Variants in DLGAP2 observed in about 807,000 individuals in gnomAD.
DLGAP2 encodes the protein DLG associated protein 2.
DLGAP2 carries 26 observed loss-of-function variants against 100.3 expected under a neutral mutation model. The observed-to-expected ratio is 0.26, with a 90% CI of 0.19 to 0.36. DLGAP2 has a LOEUF of 0.36. DLGAP2 is among the 10% of genes least tolerant of loss of function. The probability of loss-of-function intolerance (pLI) is 1.00; values close to 1 mark genes in which losing one functional copy is unlikely to be tolerated. For synonymous variants in DLGAP2, 886 were observed against 630.1 expected, an observed-to-expected ratio of 1.41 and a Z score of -6.08; for missense variants, 1,858 against 1,453.2, an observed-to-expected ratio of 1.28 and a Z score of -4.53.
intron 1 of DLGAP2, among the ~76,000 whole-genome samples, chr8:876,906 C>G (rs910565973): frequency 7.2e-6 from 1 of 138,632 alleles, no homozygotes; most frequent in African/African-American, 2.9e-5. Flanking sequence ...ATGTTGGAAT[C>G]TACAGTTAAA....
chr8:1,447,901 T>C (rs1798026364), intron 3 of DLGAP2, among the ~76,000 whole-genome samples: 1 of 152,226 alleles, frequency 6.6e-6, no homozygotes. Flanking sequence ...TCTCTGATGG[T>C]AGTTTGTATT....
chr8:831,187 C>G (rs1198960868), intron 1 of DLGAP2, among the ~76,000 whole-genome samples: 1 of 150,486 alleles, frequency 6.6e-6, no homozygotes, highest in African/African-American at 2.5e-5. Flanking sequence ...CATGAGTCAC[C>G]ACGCCCGGTC....
intron 1 of DLGAP2, chr8:821,964 T>C (rs1318443567): frequency 5.1e-6 from 2 of 394,458 alleles, no homozygotes; most frequent in African/African-American, 2.1e-5. Flanking sequence ...CTTGCCATAT[T>C]GCTCTTTTCA....
chr8:1,247,425 C>A (rs113828031), intron 2 of DLGAP2, among the ~76,000 whole-genome samples: 349 of 28,710 alleles, frequency 0.012, 59 homozygotes, highest in Middle Eastern at 0.029. Context: ...GGAGTAATGG[C>A]CCATGTTGGT....
chr8:1,087,551 CTCT>C (rs1240397286), intron 2 of DLGAP2, among the ~76,000 whole-genome samples: 97 of 104,036 alleles, frequency 9.3e-4, no homozygotes, highest in South Asian at 1.6e-3. Context: ...TTCTCTCTCT[CTCT>C]TTTTTTTTTT....
chr8:1,227,578 C>G (rs1798448628), intron 2 of DLGAP2, among the ~76,000 whole-genome samples: 1 of 151,864 alleles, frequency 6.6e-6, no homozygotes, highest in African/African-American at 2.4e-5. Context: ...ACTGCAAACT[C>G]CACCTCCCAG....
At chr8:907,644 C>T (rs1223399588) in intron 1 of DLGAP2, among the ~76,000 whole-genome samples, 1 of 152,160 alleles carries the variant, frequency 6.6e-6, no homozygotes, top group Admixed American at 6.5e-5. Flanking sequence ...ACCCTGATGG[C>T]CCATTAGGGG....
chr8:1,615,289 GA>G (rs1797113852), intron 6 of DLGAP2, among the ~76,000 whole-genome samples: 1 of 152,110 alleles, frequency 6.6e-6, no homozygotes, highest in Admixed American at 6.6e-5. Flanking sequence ...AGCAACGCAC[GA>G]GCCAAACACC....
At chr8:1,374,538 G>A (rs1025264517) in intron 3 of DLGAP2, among the ~76,000 whole-genome samples, 1 of 152,162 alleles carries the variant, frequency 6.6e-6, no homozygotes, top group Non-Finnish European at 1.5e-5. Context: ...AGGGCATTCA[G>A]GTGGATTTGT....
At chr8:1,374,070 G>A (rs1482298431) in intron 3 of DLGAP2, among the ~76,000 whole-genome samples, 10 of 151,824 alleles carry the variant, frequency 6.6e-5, no homozygotes, top group African/African-American at 1.9e-4. Context: ...GTTTGCAGAC[G>A]GCTGTGTGGT....
At chr8:1,543,124 T>A (rs1314207137) in intron 4 of DLGAP2, among the ~76,000 whole-genome samples, 1 of 152,248 alleles carries the variant, frequency 6.6e-6, no homozygotes, top group Admixed American at 6.5e-5. Flanking sequence ...AATACGTGAT[T>A]TACAAAAATG....
At chr8:1,638,709 C>T (rs1217004691) in intron 8 of DLGAP2, among the ~76,000 whole-genome samples, 2 of 152,130 alleles carry the variant, frequency 1.3e-5, no homozygotes, top group African/African-American at 4.8e-5. Flanking sequence ...CCTCCTGCCC[C>T]AGCCGTGGAT....
chr8:844,428 T>C lies in DLGAP2; in HGVS notation c.19-63484T>C, dbSNP rs140144835. On this transcript the variant is annotated intron_variant, in intron 1 of 14. Transcript: ENST00000637795. Reference sequence around the variant, plus strand: ...TAGACGACAGTCTCGATTGACCCCCTTTCCAGCCGTGCTGTCCTTCCTCAC... The same window carrying C: ...TAGACGACAGTCTCGATTGACCCCCCTTCCAGCCGTGCTGTCCTTCCTCAC... Among the ~76,000 whole-genome samples the C allele has an allele frequency of 6.4e-3, 969 of 152,328 alleles. 10 individuals carry two copies. The highest frequency in any genetic ancestry group is 0.022 in the African/African-American group (908 of 41,576).
chr8:1,272,866 G>T (rs1403530266), intron 3 of DLGAP2, among the ~76,000 whole-genome samples: 1 of 152,124 alleles, frequency 6.6e-6, no homozygotes, highest in African/African-American at 2.4e-5. Flanking sequence ...AGGCTTTGGG[G>T]GCAGAAGGGT....
At chr8:1,512,670 A>C (rs758244883) in intron 4 of DLGAP2, among the ~76,000 whole-genome samples, 15 of 152,202 alleles carry the variant, frequency 9.9e-5, no homozygotes, top group Non-Finnish European at 1.8e-4. Context: ...CTTGCTGAGA[A>C]TTCTAGGAGG....
intron 2 of DLGAP2, among the ~76,000 whole-genome samples, chr8:962,113 AGTC>A (rs1480845344): frequency 6.6e-6 from 1 of 152,234 alleles, no homozygotes; most frequent in African/African-American, 2.4e-5. Context: ...TAATTATCAT[AGTC>A]GTCATCATAC....
At chr8:1,613,534 A>C (rs1797049809) in intron 6 of DLGAP2, among the ~76,000 whole-genome samples, 1 of 140,706 alleles carries the variant, frequency 7.1e-6, no homozygotes, top group South Asian at 2.2e-4. Context: ...CTAAAACTTA[A>C]AGTATAATAA....
chr8:945,196 G>T (rs1049186664), intron 2 of DLGAP2, among the ~76,000 whole-genome samples: 2 of 152,200 alleles, frequency 1.3e-5, no homozygotes, highest in Admixed American at 6.5e-5. Context: ...TTTATAAAAA[G>T]TGTGAGCAGT....
At chr8:1,275,730 AATATATGTAAT>A (rs1799669911) in intron 3 of DLGAP2, among the ~76,000 whole-genome samples, 3 of 136,756 alleles carry the variant, frequency 2.2e-5, no homozygotes. Flanking sequence ...ATATATATAA[AATATATGTAAT>A]ATATATAAAT....
Sources: gnomAD v4.1 joint callset for allele counts (sites outside exome capture counted in the v4.1 genomes callset) on GRCh38, gnomAD v4.1.1 for gene constraint, MANE v1.5 for transcripts, NCBI Gene and HGNC (gene_info 2026-07-23, HGNC 2026-07-21) for gene names.